The following GTPBP1 variants were observed in gnomAD, a reference collection of about 807,000 sequenced individuals.
GTPBP1 encodes GTP-binding protein 1.
In GTPBP1, 23 loss-of-function variants were observed where a neutral mutation model predicts 62.0. The observed-to-expected ratio is 0.37, with a 90% CI of 0.27 to 0.53. The LOEUF (loss-of-function observed/expected upper bound fraction) is 0.53. Among genes scored for constraint, GTPBP1 ranks in the 20% least tolerant of loss-of-function variants. GTPBP1 has a pLI of 0.89. For synonymous variants in GTPBP1, 344 were observed against 364.4 expected (o/e 0.94, Z 0.64); for missense variants, 640 against 917.3 (o/e 0.70, Z 3.90).
chr22:38,737,984 C>G (rs1274826013), downstream of GTPBP1: 16 of 712,580 alleles, frequency 2.2e-5, no homozygotes, highest in Admixed American at 2.0e-4. The surrounding 1 kb of genome is among the most constrained non-coding windows in gnomAD (Gnocchi z 4.1). Flanking sequence ...CTGGAAGGTG[C>G]CTTCCCCTGT....
intron 4 of GTPBP1, among the ~76,000 whole-genome samples, chr22:38,718,982 A>G (rs1182072535): frequency 1.3e-5 from 2 of 152,148 alleles, no homozygotes; most frequent in Non-Finnish European, 1.5e-5. Flanking sequence ...TGGTGGGTAC[A>G]TATGTGTATA....
Position 38,716,198 on chromosome 22 carries a change from A to G in GTPBP1, c.485+111A>G. 1.1e-6 allele frequency: 1 copy of G among 886,320 alleles called. No individual in the cohort carries two copies. The highest frequency in any genetic ancestry group is 1.8e-6 in the Non-Finnish European group (1 of 559,146). 54.9% of individuals were successfully genotyped at this position (886,320 alleles called of 1,614,324 possible). On this transcript the variant is annotated intron_variant, in intron 3 of 11. Coordinates refer to ENST00000216044, the MANE Select transcript of GTPBP1 (RefSeq NM_004286.5). The surrounding 1 kb of genome is among the most constrained non-coding windows in gnomAD (Gnocchi z 5.2). Reference sequence around the variant, plus strand: ...TCCTTTCCCCTCCTGAGGCGGGGAAAGAGTGTCCAGGTGTCTGGAGACGTG... The same window carrying G: ...TCCTTTCCCCTCCTGAGGCGGGGAAGGAGTGTCCAGGTGTCTGGAGACGTG...
At chr22:38,709,702 G>A (rs4821815) in intron 2 of GTPBP1, among the ~76,000 whole-genome samples, 60,440 of 152,018 alleles carry the variant, frequency 0.4, 12,688 homozygotes, top group African/African-American at 0.54. Flanking sequence ...GGTGTCAGCA[G>A]AGAAAAGATG....
chr22:38,726,310 A>G lies in GTPBP1; in HGVS notation c.1271A>G (p.Asn424Ser), dbSNP rs2092726561. 1.9e-6 allele frequency: 3 copies of G among 1,613,924 alleles called. No homozygotes were observed. Among genetic ancestry groups the G allele is most frequent in the Admixed American group, 1.7e-5 (1 of 59,966 alleles). Residue 424 changes from asparagine to serine, a missense_variant, in exon 8 of 12, where the codon AAT becomes AGT. Coordinates refer to ENST00000216044, the MANE Select transcript of GTPBP1 (RefSeq NM_004286.5). The surrounding 1 kb of genome is among the most constrained non-coding windows in gnomAD (Gnocchi z 4.1). The stretch of plus-strand genomic sequence containing the variant: ...ACACTGAGAGGCCTGATCAAGCTGA[A>G]TGACACGCTGCTGCTGGGCCCAGAC... The part of the protein sequence containing the change: ...GTTLRGLIKL[N>S]DTLLLGPDPL...
downstream of GTPBP1, chr22:38,740,894 G>T (rs2092851455): frequency 1.7e-6 from 2 of 1,207,638 alleles, no homozygotes; most frequent in Non-Finnish European, 1.2e-6. This position sits in a 1 kb window ranked among gnomAD's most constrained non-coding sequence, Gnocchi z 4.8. Context: ...CCTACCATCT[G>T]CTTGGCAAGA....
At chr22:38,710,921 A>G (rs998504058) in intron 2 of GTPBP1, among the ~76,000 whole-genome samples, 5 of 152,128 alleles carry the variant, frequency 3.3e-5, no homozygotes, top group East Asian at 1.9e-4. Context: ...AAACCCACCC[A>G]TGGCAAAGCG....
chr22:38,722,012 A>G (rs952842937), intron 5 of GTPBP1, 147 bp downstream of exon 5: 13 of 462,498 alleles, frequency 2.8e-5, no homozygotes, highest in Admixed American at 2.7e-4. Flanking sequence ...GTTTATTTTT[A>G]TTATGTGCTC....
chr22:38,738,007 A>G, downstream of GTPBP1: 1 of 731,536 alleles, frequency 1.4e-6, no homozygotes, highest in Non-Finnish European at 2.5e-6. The surrounding 1 kb of genome is among the most constrained non-coding windows in gnomAD (Gnocchi z 6.6). Flanking sequence ...TGACGTCTGC[A>G]GGATGCGTGT....
rs2092773367 is a variant in GTPBP1, at chr22:38,733,338, C to T, written c.*2634C>T. The T allele has an allele frequency of 6.6e-6, 1 of 152,290 alleles. No individual in the cohort carries two copies. The highest frequency in any genetic ancestry group is 1.5e-5 in the Non-Finnish European group (1 of 68,084). The allele number at this position is 152,290 out of a possible 1,614,324, so 9.4% of individuals were successfully genotyped here. ...CCTACAAACAAACAGCAGTACTTGC[C>T]AGAACCATTCTTGGGATTCAGGAGC... is the stretch of plus-strand genomic sequence containing the variant. On this transcript the variant is annotated 3_prime_UTR_variant, in exon 12 of 12. Coordinates refer to ENST00000216044, the MANE Select transcript of GTPBP1 (RefSeq NM_004286.5).
downstream of GTPBP1, chr22:38,738,445 C>A: frequency 8.2e-7 from 1 of 1,225,708 alleles, no homozygotes; most frequent in Non-Finnish European, 1.2e-6. The surrounding 1 kb of genome is among the most constrained non-coding windows in gnomAD (Gnocchi z 6.6). Context: ...GACTGAAGTG[C>A]TGTCTCCCAC....
intron 4 of GTPBP1, 39 bp downstream of exon 4, chr22:38,717,039 G>T: frequency 8.0e-7 from 1 of 1,254,786 alleles, no homozygotes; most frequent in Non-Finnish European, 1.2e-6. Context: ...GGCGTCAGCA[G>T]GGCTGCTTGG....
downstream of GTPBP1, chr22:38,741,718 C>G: frequency 2.9e-6 from 2 of 688,690 alleles, no homozygotes; most frequent in Non-Finnish European, 5.1e-6. Context: ...ACGCAAGACT[C>G]CCGCTTCAGC....
At chr22:38,740,783 A>AC (rs2092849904), downstream of GTPBP1, 1 of 603,168 alleles carries the variant, frequency 1.7e-6, no homozygotes, top group South Asian at 2.0e-5. The surrounding 1 kb of genome is among the most constrained non-coding windows in gnomAD (Gnocchi z 4.8). Context: ...CGGTCCTCTC[A>AC]CACAGCCTGC....
At position 38,732,812 on chromosome 22, in the gene GTPBP1, C is replaced by G. The variant is rs546059106; in HGVS notation, c.*2108C>G. The G allele has an allele frequency of 3.9e-5, 6 of 152,472 alleles. No individual in the cohort carries two copies. Among genetic ancestry groups the G allele is most frequent in the African/African-American group, 1.4e-4 (6 of 41,592 alleles). 9.4% of individuals were successfully genotyped at this position (152,472 alleles called of 1,614,324 possible). ...GCCAGTTTCAAGTGATTCTCTGCCT[C>G]AGCCTTCTGAGTAGCTGGGACTACA... On this transcript the variant is annotated 3_prime_UTR_variant, in exon 12 of 12. Coordinates refer to ENST00000216044, the MANE Select transcript of GTPBP1 (RefSeq NM_004286.5).
At chr22:38,738,838 C>T (rs765649241), downstream of GTPBP1, 31 of 1,595,192 alleles carry the variant, frequency 1.9e-5, no homozygotes, top group Non-Finnish European at 2.5e-5. The surrounding 1 kb of genome is among the most constrained non-coding windows in gnomAD (Gnocchi z 6.6). Context: ...TCAGTGTGCT[C>T]AGAGCCCCCG....
In GTPBP1 at chr22:38,705,977, T is replaced by C; in HGVS notation, c.22T>C (p.Ser8Pro). ...AAAGATGGCGACGGAGCGCAGTCGCTCCGCGATGGACTCGCCGGTCCCGGC... is the reference window on the plus strand; with the variant it reads ...AAAGATGGCGACGGAGCGCAGTCGCCCCGCGATGGACTCGCCGGTCCCGGC... MATERSR[S>P]AMDSPVPASM... The change falls in exon 1 of 12, where the codon TCC (serine) becomes CCC (proline). Residue 8 changes from serine to proline, a missense_variant. Transcript: ENST00000216044. 1 of 1,447,540 alleles carries C rather than the reference T, an allele frequency of 6.9e-7. No homozygotes were observed. Among genetic ancestry groups the C allele is most frequent in the Non-Finnish European group, 9.1e-7 (1 of 1,097,872 alleles). The allele number at this position is 1,447,540 out of a possible 1,614,324, so 89.7% of individuals were successfully genotyped here. A position where few individuals can be genotyped will look rare whatever the true frequency, so the allele number is the denominator to read the frequency against.
rs555488024 is a variant in GTPBP1 at position 38,706,336 on chromosome 22, G to C, written c.192+189G>C. 9.6e-3 allele frequency among the ~76,000 whole-genome samples: 1,464 copies of C among 152,296 alleles called. 31 individuals are homozygous for C. Among genetic ancestry groups the C allele is most frequent in the African/African-American group, 0.034 (1,425 of 41,570 alleles). On this transcript the variant is annotated intron_variant, in intron 1 of 11. Coordinates refer to ENST00000216044, the MANE Select transcript of GTPBP1 (RefSeq NM_004286.5). The stretch of plus-strand genomic sequence containing the variant: ...CGCGGCGCGAGGGGCCGTCCCCATG[G>C]TCCCCGCACCCACCTTGGCTCCCCC...
chr22:38,717,021 GGAGGGGA>G (rs775302461), intron 4 of GTPBP1, 21 bp downstream of exon 4: 36 of 1,493,144 alleles, frequency 2.4e-5, no homozygotes, highest in Non-Finnish European at 1.9e-6. Context: ...GGCGCCCCAA[GGAGGGGA>G]GGCGTCAGCA....
Position 38,726,396 on chromosome 22 carries a change from A to G in GTPBP1, c.1357A>G (p.Lys453Glu). ...CATCCATCGCAAGCGCATGCCTGTCAAGGAGGTGCGGGGTGGCCAGACAGC... is the reference window on the plus strand; with the variant it reads ...CATCCATCGCAAGCGCATGCCTGTCGAGGAGGTGCGGGGTGGCCAGACAGC... The part of the protein sequence containing the change: ...KSIHRKRMPV[K>E]EVRGGQTASF... Residue 453 changes from lysine to glutamate, a missense_variant, in exon 8 of 12, where the codon AAG becomes GAG. By Grantham distance (56) the Lys-to-Glu change is moderately conservative (BLOSUM62 1). Coordinates refer to ENST00000216044, the MANE Select transcript of GTPBP1 (RefSeq NM_004286.5). This position sits in a 1 kb window ranked among gnomAD's most constrained non-coding sequence, Gnocchi z 4.1. 1 of 1,614,038 alleles carries G rather than the reference A, an allele frequency of 6.2e-7. No homozygotes were observed. The highest frequency in any genetic ancestry group is 2.2e-5 in the East Asian group (1 of 44,880).
Sources: gnomAD v4.1 joint callset for allele counts (sites outside exome capture counted in the v4.1 genomes callset) on GRCh38, gnomAD v4.1.1 for gene constraint, Gnocchi (gnomAD v3.1) non-coding constraint, MANE v1.5 for transcripts, NCBI Gene and HGNC (gene_info 2026-07-23, HGNC 2026-07-21) for gene names.